Variants in DLG2 observed in about 807,000 individuals in gnomAD.
The protein encoded by DLG2 is disks large homolog 2.
Under a neutral mutation model 132.5 loss-of-function variants are expected in DLG2, and 45 were observed. That is an observed-to-expected ratio of 0.34 (90% CI 0.27 to 0.44). DLG2 has a LOEUF of 0.44. Ranked by LOEUF, DLG2 falls within the 20% of genes least tolerant of loss-of-function variation. The pLI, the probability that DLG2 is intolerant of heterozygous loss-of-function variation, is 1.00. For synonymous variants in DLG2, 424 were observed against 419.6 expected, an observed-to-expected ratio of 1.01 and a Z score of -0.13; for missense variants, 1,045 against 1,196.9, an observed-to-expected ratio of 0.87 and a Z score of 1.87.
chr11:84,958,348 A>G (rs1395075578), intron 6 of DLG2, among the ~76,000 whole-genome samples: 1 of 152,224 alleles, frequency 6.6e-6, no homozygotes, highest in African/African-American at 2.4e-5. Context: ...AAGCATTTCT[A>G]TTGCTTACAT....
In DLG2 at chr11:84,297,968, C is replaced by G. The variant is rs2098112952; in HGVS notation, c.520-46677G>C. Among the ~76,000 whole-genome samples the G allele has an allele frequency of 3.9e-5, 6 of 152,116 alleles. No homozygotes were observed. In the South Asian group the frequency reaches 1.2e-3, roughly 32 times the overall value. On this transcript the variant is annotated intron_variant, in intron 7 of 27. Coordinates refer to ENST00000376104, the MANE Select transcript of DLG2 (RefSeq NM_001142699.3). ...ATCTCTCAAGTAGGAACTCAATTGCCTCCTCATTAATACTTTCCTTACTTT... is the reference window on the plus strand; with the variant it reads ...ATCTCTCAAGTAGGAACTCAATTGCGTCCTCATTAATACTTTCCTTACTTT...
intron 3 of DLG2, among the ~76,000 whole-genome samples, chr11:85,297,886 T>C (rs2079338583): frequency 6.6e-6 from 1 of 152,064 alleles, no homozygotes; most frequent in Admixed American, 6.6e-5. Flanking sequence ...ATATGGGCTG[T>C]TGGAACTAAA....
At chr11:83,511,073 A>AACAC (rs142149345) in intron 21 of DLG2, among the ~76,000 whole-genome samples, 78 of 88,408 alleles carry the variant, frequency 8.8e-4, no homozygotes, top group African/African-American at 2.9e-3. Context: ...CACTTGCTCA[A>AACAC]ACACACACAC....
intron 19 of DLG2, among the ~76,000 whole-genome samples, chr11:83,618,000 A>G (rs2153426078): frequency 6.6e-6 from 1 of 152,302 alleles, no homozygotes; most frequent in South Asian, 2.1e-4. Flanking sequence ...CTGTCTCAAA[A>G]AAAAGTACAA....
At chr11:83,539,924 A>T (rs914711141) in intron 20 of DLG2, among the ~76,000 whole-genome samples, 3 of 152,206 alleles carry the variant, frequency 2.0e-5, no homozygotes, top group South Asian at 2.1e-4. Flanking sequence ...ACTTGATAAG[A>T]TTGGTTAGAA....
At chr11:83,565,284 T>C (rs1332013836) in intron 19 of DLG2, among the ~76,000 whole-genome samples, 1 of 152,140 alleles carries the variant, frequency 6.6e-6, no homozygotes, top group African/African-American at 2.4e-5. Context: ...CATCTCAAAC[T>C]GTTCACTCAG....
intron 18 of DLG2, among the ~76,000 whole-genome samples, chr11:83,668,984 G>A (rs190174160): frequency 1.7e-4 from 26 of 151,784 alleles, no homozygotes; most frequent in African/African-American, 6.1e-4. Flanking sequence ...TGAGTTTAAT[G>A]AAATCTACAG....
At chr11:84,248,539 A>G (rs934660340) in intron 8 of DLG2, among the ~76,000 whole-genome samples, 4 of 152,108 alleles carry the variant, frequency 2.6e-5, no homozygotes, top group Non-Finnish European at 4.4e-5. Flanking sequence ...AAGGAAGCAC[A>G]AAGTGGGTTA....
At chr11:84,629,098 C>A (rs2154543491) in intron 6 of DLG2, among the ~76,000 whole-genome samples, 1 of 152,220 alleles carries the variant, frequency 6.6e-6, no homozygotes, top group East Asian at 1.9e-4. Context: ...CTGCAACTGC[C>A]TGTTAATTAT....
At chr11:83,931,876 A>G (rs1247369122) in intron 14 of DLG2, among the ~76,000 whole-genome samples, 1 of 152,182 alleles carries the variant, frequency 6.6e-6, no homozygotes, top group Non-Finnish European at 1.5e-5. Flanking sequence ...GATATTTGCT[A>G]AGCTTAATTC....
chr11:85,231,349 T>C (rs1445402389), intron 4 of DLG2, among the ~76,000 whole-genome samples: 3 of 152,002 alleles, frequency 2.0e-5, no homozygotes, highest in African/African-American at 7.2e-5. Context: ...GCCCATTCAG[T>C]TAACTTTTTA....
intron 9 of DLG2, among the ~76,000 whole-genome samples, chr11:84,113,658 G>T (rs902721172): frequency 2.0e-5 from 3 of 152,002 alleles, no homozygotes; most frequent in African/African-American, 7.3e-5. Context: ...TATTATATAG[G>T]GAAGTATGTC....
At chr11:85,332,079 C>CCAA (rs2081796719) in intron 3 of DLG2, among the ~76,000 whole-genome samples, 1 of 152,152 alleles carries the variant, frequency 6.6e-6, no homozygotes, top group African/African-American at 2.4e-5. Context: ...TATACTCACA[C>CCAA]CAACAATCTA....
intron 6 of DLG2, among the ~76,000 whole-genome samples, chr11:84,795,995 T>C (rs2074548207): frequency 6.6e-6 from 1 of 152,294 alleles, no homozygotes; most frequent in African/African-American, 2.4e-5. Context: ...CCCTTGCCAT[T>C]CTGTGCCTGG....
intron 3 of DLG2, among the ~76,000 whole-genome samples, chr11:85,426,544 C>A (rs1018796822): frequency 2.0e-5 from 3 of 152,116 alleles, no homozygotes; most frequent in African/African-American, 4.8e-5. Context: ...CAGCAAACTC[C>A]AACAGACCTG....
At chr11:84,240,207 C>G (rs1457268147) in intron 8 of DLG2, among the ~76,000 whole-genome samples, 3 of 152,190 alleles carry the variant, frequency 2.0e-5, no homozygotes, top group Admixed American at 2.0e-4. Context: ...GCAAGGGCAA[C>G]CCCCAAGGGT....
At chr11:84,128,739 C>T (rs996582055) in intron 9 of DLG2, among the ~76,000 whole-genome samples, 6 of 151,950 alleles carry the variant, frequency 3.9e-5, no homozygotes, top group Non-Finnish European at 8.8e-5. Flanking sequence ...GGGCAATATA[C>T]ACTTCATTGA....
intron 6 of DLG2, among the ~76,000 whole-genome samples, chr11:84,873,107 C>A (rs949764173): frequency 6.6e-6 from 1 of 152,142 alleles, no homozygotes; most frequent in African/African-American, 2.4e-5. Flanking sequence ...ATTTCATATA[C>A]GTGATTAAGC....
intron 6 of DLG2, among the ~76,000 whole-genome samples, chr11:85,077,933 T>C (rs1454210953): frequency 6.9e-6 from 1 of 144,194 alleles, no homozygotes; most frequent in African/African-American, 2.5e-5. Context: ...AACAATCATG[T>C]AGAATCCAAG....
Sources: allele counts gnomAD v4.1 joint callset (sites outside exome capture counted in the v4.1 genomes callset), GRCh38; gene constraint gnomAD v4.1.1; transcripts MANE v1.5; gene names NCBI Gene and HGNC (gene_info 2026-07-23, HGNC 2026-07-21).